The following PIK3C2G variants were observed in gnomAD, a reference collection of about 807,000 sequenced individuals.
PIK3C2G encodes phosphatidylinositol 3-kinase C2 domain-containing subunit gamma.
Under a neutral mutation model 181.1 loss-of-function variants are expected in PIK3C2G, and 168 were observed. That is an observed-to-expected ratio of 0.93 (90% CI 0.82 to 1.05). The LOEUF (loss-of-function observed/expected upper bound fraction) is 1.05, where lower values mean the gene tolerates loss of function less well. Ranked by LOEUF, PIK3C2G falls within the 50% of genes least tolerant of loss-of-function variation. The probability of loss-of-function intolerance (pLI) is 0.00; values close to 1 mark genes in which losing one functional copy is unlikely to be tolerated. For missense variants in PIK3C2G, 1,869 were observed against 1,732.8 expected (o/e 1.08, Z -1.40); for synonymous variants, 573 against 592.2 (o/e 0.97, Z 0.47).
chr12:18,604,867 C>G (rs1332133647), intron 30 of PIK3C2G, among the ~76,000 whole-genome samples: 1 of 151,966 alleles, frequency 6.6e-6, no homozygotes, highest in Non-Finnish European at 1.5e-5. Flanking sequence ...ATGACACAAC[C>G]TATCAAAACC....
At chr12:18,687,837 G>A in the PIK3C2G span, among the ~76,000 whole-genome samples, 1 of 152,036 alleles carries the variant, frequency 6.6e-6, no homozygotes, top group South Asian at 2.1e-4. Context: ...ATAAAAAAGA[G>A]GTAAATTTTT....
intron 32 of PIK3C2G, among the ~76,000 whole-genome samples, chr12:18,644,803 C>T (rs2136831420): frequency 6.6e-6 from 1 of 152,304 alleles, no homozygotes; most frequent in South Asian, 2.1e-4. Flanking sequence ...CGCAGTACCC[C>T]TGTTCTCGCT....
intron 30 of PIK3C2G, among the ~76,000 whole-genome samples, chr12:18,604,107 A>G (rs1947883661): frequency 6.6e-6 from 1 of 152,214 alleles, no homozygotes; most frequent in South Asian, 2.1e-4. Context: ...AGAACCACAG[A>G]ATGCATAAGA....
intron 18 of PIK3C2G, among the ~76,000 whole-genome samples, chr12:18,486,987 T>C (rs1252605453): frequency 1.3e-5 from 2 of 152,172 alleles, no homozygotes; most frequent in African/African-American, 4.8e-5. Context: ...AATCTCATCA[T>C]AGGGATGAGT....
At position 18,491,514 on chromosome 12, in the gene PIK3C2G, C is replaced by G. The variant is rs751457593; in HGVS notation, c.2749C>G (p.Leu917Val). Residue 917 changes from leucine (L) to valine (V), a missense_variant, in exon 20 of 33, where the codon CTT (leucine) becomes GTT (valine). By Grantham distance (32) the Leu-to-Val change is conservative. Transcript: ENST00000538779. ...EFFQDVNTCHLPLNPALCIKG... is the reference protein window; with the variant it reads ...EFFQDVNTCHVPLNPALCIKG... Reference sequence around the variant, plus strand: ...CTTTCAAGATGTAAATACTTGTCATCTTCCTCTGAACCCTGCCCTATGTAT... The same window carrying G: ...CTTTCAAGATGTAAATACTTGTCATGTTCCTCTGAACCCTGCCCTATGTAT... 1 of 1,609,412 alleles carries G rather than the reference C, an allele frequency of 6.2e-7. No individual in the cohort carries two copies. The highest frequency in any genetic ancestry group is 1.1e-5 in the South Asian group (1 of 90,944).
Position 18,416,755 on chromosome 12 carries a change from C to T in PIK3C2G, c.2316-4186C>T, listed in dbSNP as rs369360522. ...AAAGATTCTTTTCAAAATATTACTA[C>T]TCATTGACAATGCACCCAGTCACTC... On this transcript the variant is annotated intron_variant, in intron 16 of 32. Coordinates refer to ENST00000538779, the MANE Select transcript of PIK3C2G (RefSeq NM_001288772.2). 6.6e-5 allele frequency among the ~76,000 whole-genome samples: 10 copies of T among 152,270 alleles called. No homozygotes were observed. The South Asian group carries it at 1.7e-3, about 25-fold the overall frequency.
intron 1 of PIK3C2G, among the ~76,000 whole-genome samples, chr12:18,263,619 C>A (rs1948347988): frequency 6.6e-6 from 1 of 152,234 alleles, no homozygotes; most frequent in East Asian, 1.9e-4. Flanking sequence ...TGAATTGACT[C>A]TTTACCTTAT....
At chr12:18,340,314 G>C (rs1939012101) in intron 9 of PIK3C2G, among the ~76,000 whole-genome samples, 1 of 152,076 alleles carries the variant, frequency 6.6e-6, no homozygotes, top group Non-Finnish European at 1.5e-5. Flanking sequence ...AATGTTTTAA[G>C]GAAGTTTACA....
chr12:18,470,932 C>T lies in PIK3C2G; in HGVS notation c.2505-17517C>T, dbSNP rs1011660059. 2.3e-4 allele frequency among the ~76,000 whole-genome samples: 35 copies of T among 151,948 alleles called. 1 individual carries two copies. Among genetic ancestry groups the T allele is most frequent in the Non-Finnish European group, 1.0e-4 (7 of 67,988 alleles). On this transcript the variant is annotated intron_variant, in intron 18 of 32. Transcript: ENST00000538779. ...ATCATCAAACTAATTTACTTTATTT[C>T]AAAGTTTCCAAAAGAATTAAAGGGA...
chr12:18,321,831 AC>A (rs557250652), intron 7 of PIK3C2G, among the ~76,000 whole-genome samples: 1 of 152,170 alleles, frequency 6.6e-6, no homozygotes, highest in Non-Finnish European at 1.5e-5. Flanking sequence ...CAACAAACTA[AC>A]ATAGAAACAG....
chr12:18,405,965 A>G (rs1369930791), intron 16 of PIK3C2G, among the ~76,000 whole-genome samples: 2 of 152,244 alleles, frequency 1.3e-5, no homozygotes, highest in African/African-American at 4.8e-5. Context: ...AGTGCAATAG[A>G]TCACAGAAAT....
At position 18,648,008 on chromosome 12, in the gene PIK3C2G, T is replaced by C. The variant is rs1398930389; in HGVS notation, c.4441T>C (p.Leu1481=). The C allele has an allele frequency of 6.3e-7, 1 of 1,595,598 alleles. No individual in the cohort carries two copies. The highest frequency in any genetic ancestry group is 8.5e-7 in the Non-Finnish European group (1 of 1,170,262). The part of the protein sequence containing the change: ...VPLDKEKWYP[L]GNSII Reference sequence around the variant, plus strand: ...ACTCGATAAAGAAAAATGGTATCCATTAGGAAACAGTATAATTTGACCATT... The same window carrying C: ...ACTCGATAAAGAAAAATGGTATCCACTAGGAAACAGTATAATTTGACCATT... Residue 1481 remains leucine (L), a synonymous_variant, in exon 33 of 33, where the codon TTA becomes CTA. Coordinates refer to ENST00000538779, the MANE Select transcript of PIK3C2G (RefSeq NM_001288772.2).
At chr12:18,606,867 A>C (rs2136574409) in intron 30 of PIK3C2G, among the ~76,000 whole-genome samples, 1 of 152,242 alleles carries the variant, frequency 6.6e-6, no homozygotes, top group South Asian at 2.1e-4. Context: ...TTGGGAAGTA[A>C]ACAATAAATT....
At position 18,372,619 on chromosome 12, in the gene PIK3C2G, T is replaced by C. The variant is rs532024256; in HGVS notation, c.1880+1308T>C. The C allele has an allele frequency of 3.9e-5, 6 of 152,248 alleles. No homozygotes were observed. In the East Asian group the frequency reaches 1.2e-3, roughly 29 times the overall value. 9.4% of individuals were successfully genotyped at this position (152,248 alleles called of 1,614,324 possible). On this transcript the variant is annotated intron_variant, in intron 13 of 32. Coordinates refer to ENST00000538779, the MANE Select transcript of PIK3C2G (RefSeq NM_001288772.2). ...CCTGCAGTATTTGTAAGATCTACCA[T>C]TTTTTGTAGAATATTTCTAGCTAGT...
chr12:18,292,870 A>G (rs1949772729), intron 4 of PIK3C2G, among the ~76,000 whole-genome samples: 1 of 152,176 alleles, frequency 6.6e-6, no homozygotes, highest in Non-Finnish European at 1.5e-5. Context: ...AGAACAACCA[A>G]CTGTGGAGAC....
At chr12:18,663,460 G>T in the PIK3C2G span, among the ~76,000 whole-genome samples, 3 of 152,022 alleles carry the variant, frequency 2.0e-5, no homozygotes, top group Non-Finnish European at 2.9e-5. Context: ...TACATAGGAG[G>T]ATATGCATAG....
intron 1 of PIK3C2G, among the ~76,000 whole-genome samples, chr12:18,273,738 C>G (rs1482677958): frequency 2.0e-5 from 3 of 152,138 alleles, no homozygotes; most frequent in East Asian, 1.9e-4. Context: ...CAGGACATAG[C>G]CATGGGCAAG....
rs1027136686 is a variant in PIK3C2G, at chr12:18,579,801, G to T, written c.4011+12744G>T. On this transcript the variant is annotated intron_variant, in intron 29 of 32. Transcript: ENST00000538779. ...CCTTCTTAAAATTTTGCTCTGTTTT[G>T]GTGGAATTGTGTTGTGGACTAAATA... 5.9e-5 allele frequency among the ~76,000 whole-genome samples: 9 copies of T among 152,048 alleles called. No individual in the cohort carries two copies. The South Asian group carries it at 1.9e-3, about 32-fold the overall frequency.
intron 24 of PIK3C2G, among the ~76,000 whole-genome samples, chr12:18,529,228 C>A (rs956642703): frequency 6.6e-6 from 1 of 152,050 alleles, no homozygotes; most frequent in South Asian, 2.1e-4. Context: ...GGTTGCACTG[C>A]AAGAGGCATG....
Sources: allele counts gnomAD v4.1 joint callset (sites outside exome capture counted in the v4.1 genomes callset), GRCh38; gene constraint gnomAD v4.1.1; transcripts MANE v1.5; gene names NCBI Gene and HGNC (gene_info 2026-07-23, HGNC 2026-07-21).